KCNQ5: variants seen among roughly 807,000 people sequenced by gnomAD.
KCNQ5 encodes potassium voltage-gated channel subfamily Q member 5.
In KCNQ5, 30 loss-of-function variants were observed where a neutral mutation model predicts 98.2. That is an observed-to-expected ratio of 0.31 (90% CI 0.23 to 0.41). The LOEUF (loss-of-function observed/expected upper bound fraction) is 0.41, where lower values mean the gene tolerates loss of function less well. Ranked by LOEUF, KCNQ5 falls within the 10% of genes least tolerant of loss-of-function variation. KCNQ5 has a pLI of 1.00. For missense variants in KCNQ5, 835 were observed against 1,182.5 expected (o/e 0.71, Z 4.31); for synonymous variants, 458 against 449.4 (o/e 1.02, Z -0.24).
intron 1 of KCNQ5, among the ~76,000 whole-genome samples, chr6:72,659,139 C>T (rs146081523): frequency 1.3e-5 from 2 of 152,310 alleles, no homozygotes; most frequent in African/African-American, 4.8e-5. Context: ...CCTTATTCTG[C>T]ACAATATAAT....
At chr6:73,151,518 G>A (rs1373025661) in intron 10 of KCNQ5, among the ~76,000 whole-genome samples, 1 of 152,094 alleles carries the variant, frequency 6.6e-6, no homozygotes, top group Non-Finnish European at 1.5e-5. Context: ...ACTGCACTAT[G>A]GTTGTTTCTT....
At chr6:73,186,217 A>T (rs1018701924) in intron 11 of KCNQ5, among the ~76,000 whole-genome samples, 3 of 151,744 alleles carry the variant, frequency 2.0e-5, no homozygotes, top group Admixed American at 1.3e-4. Context: ...ACAGAGTGAG[A>T]CCTTGTCTCA....
intron 1 of KCNQ5, among the ~76,000 whole-genome samples, chr6:72,788,624 C>G (rs1246456388): frequency 6.6e-6 from 1 of 152,106 alleles, no homozygotes; most frequent in South Asian, 2.1e-4. Flanking sequence ...ATTGTTTGAA[C>G]AAATAGTTTA....
At chr6:73,112,264 G>A (rs998847090) in intron 7 of KCNQ5, among the ~76,000 whole-genome samples, 3 of 152,160 alleles carry the variant, frequency 2.0e-5, no homozygotes, top group Admixed American at 6.5e-5. Flanking sequence ...GGTGCTCCAA[G>A]GCCCTAGGAA....
At chr6:72,778,103 T>C (rs1433123226) in intron 1 of KCNQ5, among the ~76,000 whole-genome samples, 1 of 152,024 alleles carries the variant, frequency 6.6e-6, no homozygotes, top group African/African-American at 2.4e-5. Flanking sequence ...AGTGGAAAAG[T>C]GGGAAGAATG....
intron 10 of KCNQ5, chr6:73,157,948 C>T (rs1777434946): frequency 1.3e-6 from 1 of 768,734 alleles, no homozygotes; most frequent in Non-Finnish European, 2.4e-6. Context: ...GGCTGTCTCG[C>T]GGTGAGCTTG....
At chr6:72,912,344 T>C (rs1043733489) in intron 1 of KCNQ5, among the ~76,000 whole-genome samples, 5 of 152,222 alleles carry the variant, frequency 3.3e-5, no homozygotes, top group African/African-American at 1.2e-4. Context: ...TTACTGAATT[T>C]ATAGATACTT....
At chr6:73,058,457 G>A (rs1238919248) in intron 3 of KCNQ5, among the ~76,000 whole-genome samples, 2 of 151,932 alleles carry the variant, frequency 1.3e-5, no homozygotes, top group Admixed American at 1.3e-4. Flanking sequence ...AGATGACCTG[G>A]GAAATACCAC....
At chr6:72,994,867 T>TA (rs1218263277) in intron 1 of KCNQ5, among the ~76,000 whole-genome samples, 4 of 152,172 alleles carry the variant, frequency 2.6e-5, no homozygotes, top group African/African-American at 9.7e-5. Context: ...TAGTTTCTCA[T>TA]AATATTTTAG....
intron 3 of KCNQ5, among the ~76,000 whole-genome samples, chr6:73,052,803 C>A (rs1027071361): frequency 1.3e-5 from 2 of 152,168 alleles, no homozygotes; most frequent in African/African-American, 4.8e-5. Context: ...GTACACACAC[C>A]ATTGATGCCA....
chr6:72,716,789 C>G (rs939833826), intron 1 of KCNQ5, among the ~76,000 whole-genome samples: 1 of 152,138 alleles, frequency 6.6e-6, no homozygotes, highest in Non-Finnish European at 1.5e-5. Context: ...CACAAAAGCA[C>G]CCTTTAGAGA....
chr6:73,063,721 T>TAGATAGATAGATAGATAGATGATA (rs1554203585), intron 3 of KCNQ5, among the ~76,000 whole-genome samples: 23 of 96,076 alleles, frequency 2.4e-4, no homozygotes, highest in Non-Finnish European at 4.6e-4. Flanking sequence ...GATAGATAGA[T>TAGATAGATAGATAGATAGATGATA]GATAGATAGA....
At chr6:73,186,103 T>C (rs1778562010) in intron 11 of KCNQ5, among the ~76,000 whole-genome samples, 1 of 152,106 alleles carries the variant, frequency 6.6e-6, no homozygotes, top group Admixed American at 6.5e-5. Flanking sequence ...GGGTATCTCC[T>C]TGTAGGCCCA....
chr6:72,735,995 A>G (rs2154475952), intron 1 of KCNQ5, among the ~76,000 whole-genome samples: 1 of 152,068 alleles, frequency 6.6e-6, no homozygotes, highest in Middle Eastern at 3.4e-3. Context: ...CTGGATATTT[A>G]TTTTATTTTT....
At chr6:72,853,645 G>A (rs532849348) in intron 1 of KCNQ5, among the ~76,000 whole-genome samples, 1 of 152,268 alleles carries the variant, frequency 6.6e-6, no homozygotes, top group East Asian at 1.9e-4. Context: ...CCTTCTGTGG[G>A]GCAGCCCTGG....
At chr6:72,792,187 T>C (rs1774089201) in intron 1 of KCNQ5, among the ~76,000 whole-genome samples, 2 of 152,182 alleles carry the variant, frequency 1.3e-5, no homozygotes, top group Admixed American at 1.3e-4. Context: ...ATTCCAAAAA[T>C]GTTTAAATAT....
intron 1 of KCNQ5, among the ~76,000 whole-genome samples, chr6:72,779,879 G>A (rs994359567): frequency 1.9e-5 from 2 of 105,838 alleles, no homozygotes; most frequent in African/African-American, 7.4e-5. Context: ...GTGTGTGTGT[G>A]TGTAAAGATG....
At chr6:73,092,318 C>T (rs1385983912) in intron 5 of KCNQ5, among the ~76,000 whole-genome samples, 1 of 152,110 alleles carries the variant, frequency 6.6e-6, no homozygotes, top group Non-Finnish European at 1.5e-5. Flanking sequence ...TTCATATCAT[C>T]AGCAAACAGC....
chr6:72,726,582 A>T (rs1770291809), intron 1 of KCNQ5, among the ~76,000 whole-genome samples: 1 of 152,206 alleles, frequency 6.6e-6, no homozygotes. Context: ...TTAAAGTTCA[A>T]GGTAAACAGG....
Sources: allele counts gnomAD v4.1 joint callset (sites outside exome capture counted in the v4.1 genomes callset), GRCh38; gene constraint gnomAD v4.1.1; transcripts MANE v1.5; gene names NCBI Gene and HGNC (gene_info 2026-07-23, HGNC 2026-07-21).